MTG2: variants seen among roughly 807,000 people sequenced by gnomAD.
MTG2 encodes the protein mitochondrial ribosome associated GTPase 2, also known as mitochondrial ribosome-associated GTPase 2.
Under a neutral mutation model 28.6 loss-of-function variants are expected in MTG2, and 23 were observed. That is an observed-to-expected ratio of 0.80 (90% CI 0.58 to 1.14). The LOEUF (loss-of-function observed/expected upper bound fraction) is 1.14, where lower values mean the gene tolerates loss of function less well. Among genes scored for constraint, MTG2 ranks in the 50% most tolerant of loss-of-function variants. The probability of loss-of-function intolerance (pLI) is 0.00; values close to 1 mark genes in which losing one functional copy is unlikely to be tolerated. For missense variants in MTG2, 539 were observed against 552.0 expected (o/e 0.98, Z 0.24); for synonymous variants, 260 against 251.8 (o/e 1.03, Z -0.31).
At position 62,201,584 on chromosome 20, in the gene MTG2, G is replaced by C. The variant is rs2058172363; in HGVS notation, c.*507G>C. On this transcript the variant is annotated 3_prime_UTR_variant, in exon 7 of 7. Coordinates refer to ENST00000370823, the MANE Select transcript of MTG2 (RefSeq NM_015666.4). ...GTCCAGCAGCCCTGCGGTACCGCAAGCCCAGGCACCAGTGTCTCGGGGGGC... is the reference window on the plus strand; with the variant it reads ...GTCCAGCAGCCCTGCGGTACCGCAACCCCAGGCACCAGTGTCTCGGGGGGC... 1 of 153,240 alleles carries C rather than the reference G, an allele frequency of 6.5e-6. No individual in the cohort carries two copies. The allele number at this position is 153,240 out of a possible 1,614,324, so 9.5% of individuals were successfully genotyped here.
chr20:62,200,858 C>T lies in MTG2; in HGVS notation c.1002C>T (p.Gly334=), dbSNP rs1035597608. 3.1e-6 allele frequency: 5 copies of T among 1,613,992 alleles called. No individual in the cohort carries two copies. Among genetic ancestry groups the T allele is most frequent in the African/African-American group, 1.3e-5 (1 of 75,062 alleles). The change falls in exon 7 of 7, where the codon GGC becomes GGT. Residue 334 remains glycine, a synonymous_variant. Transcript: ENST00000370823. Reference sequence around the variant, plus strand: ...ATGAACTGGAGATGTATGAAAAGGGCCTGTCTGCGAGGCCCCACGCAATCG... The same window carrying T: ...ATGAACTGGAGATGTATGAAAAGGGTCTGTCTGCGAGGCCCCACGCAATCG... The part of the protein sequence containing the change: ...LKYELEMYEK[G]LSARPHAIVA...
At chr20:62,189,730 A>G (rs1273298907) in intron 1 of MTG2, among the ~76,000 whole-genome samples, 2 of 147,928 alleles carry the variant, frequency 1.4e-5, no homozygotes, top group African/African-American at 5.0e-5. Flanking sequence ...CAATGATGCA[A>G]TCTCGGCTCA....
In MTG2 at chr20:62,198,802, C is replaced by T; in HGVS notation, c.637C>T (p.Gln213Ter). The T allele has an allele frequency of 6.2e-7, 1 of 1,614,152 alleles. No homozygotes were observed. The highest frequency in any genetic ancestry group is 8.5e-7 in the Non-Finnish European group (1 of 1,180,040). The change falls in exon 5 of 7, where the codon CAG (glutamine) becomes TAG (stop). Residue 213 changes from glutamine (Q) to a stop codon, truncating the protein, a stop_gained. Transcript: ENST00000370823. LOFTEE classifies it high-confidence loss of function. ...GACCTGTACCCCTGGACAGCCAGGA[C>T]AGCAGCGAGTTCTCCACCTGGAGCT... Reference protein sequence around the residue: ...PVTCTPGQPGQQRVLHLELKT... With the variant: ...PVTCTPGQPG
rs2058107677 is a variant in MTG2, at chr20:62,198,816, C to T, written c.651C>T (p.Leu217=). The change falls in exon 5 of 7, where the codon CTC becomes CTT. Residue 217 remains leucine (L), a synonymous_variant. Transcript: ENST00000370823. ...GACAGCCAGGACAGCAGCGAGTTCT[C>T]CACCTGGAGCTCAAGACGGTGGCCC... ...TPGQPGQQRV[L]HLELKTVAHA... 7 of 1,614,116 alleles carry T rather than the reference C, an allele frequency of 4.3e-6. No individual in the cohort carries two copies. The highest frequency in any genetic ancestry group is 5.1e-6 in the Non-Finnish European group (6 of 1,180,036).
At chr20:62,195,077 TC>T (rs1342599621) in intron 2 of MTG2, among the ~76,000 whole-genome samples, 2 of 151,970 alleles carry the variant, frequency 1.3e-5, no homozygotes, top group Non-Finnish European at 2.9e-5. Context: ...GTGCCTGTAG[TC>T]CCAGCTACTT....
intron 2 of MTG2, 34 bp downstream of exon 2, chr20:62,193,658 C>T: frequency 6.4e-7 from 1 of 1,568,626 alleles, no homozygotes; most frequent in Non-Finnish European, 8.7e-7. Context: ...GCTTGCCTGT[C>T]TCCTCCTCAG....
In MTG2 at chr20:62,196,858, G is replaced by A. The variant is rs571208818; in HGVS notation, c.352+909G>A. On this transcript the variant is annotated intron_variant, in intron 3 of 6. Coordinates refer to ENST00000370823, the MANE Select transcript of MTG2 (RefSeq NM_015666.4). Reference sequence around the variant, plus strand: ...AGCCTGGCCAACATGGTGAAACCCCGTCTCTACAAAAAATACAAAAAAAAT... The same window carrying A: ...AGCCTGGCCAACATGGTGAAACCCCATCTCTACAAAAAATACAAAAAAAAT... Among the ~76,000 whole-genome samples the A allele has an allele frequency of 5.8e-3, 859 of 147,542 alleles. 5 individuals carry two copies. The highest frequency in any genetic ancestry group is 8.3e-3 in the Non-Finnish European group (554 of 66,768).
intron 1 of MTG2, among the ~76,000 whole-genome samples, chr20:62,184,176 G>C (rs914341524): frequency 3.9e-5 from 6 of 152,228 alleles, no homozygotes; most frequent in Admixed American, 1.3e-4. Context: ...GGCCAACATG[G>C]TGAAACCCCA....
chr20:62,193,480 T>C lies in MTG2; in HGVS notation c.60T>C (p.His20=), dbSNP rs1456344275. The C allele has an allele frequency of 7.4e-6, 12 of 1,614,082 alleles. No individual in the cohort carries two copies. Among genetic ancestry groups the C allele is most frequent in the Admixed American group, 6.7e-5 (4 of 59,998 alleles). The change falls in exon 2 of 7, where the codon CAT becomes CAC. Residue 20 remains histidine, a synonymous_variant. Coordinates refer to ENST00000370823, the MANE Select transcript of MTG2 (RefSeq NM_015666.4). ...GGACCGTGTTTCAGGGCGTGGGGCA[T>C]TGGGCTTTGTCCACATGGGCTGGCC... ...RLRTVFQGVG[H]WALSTWAGLK... is the part of the protein sequence containing the mutation.
chr20:62,186,540 T>TTTTTTTTTTTG (rs2057851937), intron 1 of MTG2, among the ~76,000 whole-genome samples: 1 of 147,728 alleles, frequency 6.8e-6, no homozygotes, highest in Non-Finnish European at 1.5e-5. Flanking sequence ...TTTTTTTTTT[T>TTTTTTTTTTTG]TTTTTTGAGA....
In MTG2 at chr20:62,200,487, T is replaced by C. The variant is rs187734175; in HGVS notation, c.827-196T>C. Among the ~76,000 whole-genome samples, 10 of 152,244 alleles carry C rather than the reference T, an allele frequency of 6.6e-5. No individual in the cohort carries two copies. The East Asian group carries it at 1.5e-3, about 24-fold the overall frequency. On this transcript the variant is annotated intron_variant, in intron 6 of 6. Transcript: ENST00000370823. Reference sequence around the variant, plus strand: ...AAGCATTGAATTCCTCAGGTGTCAGTTGGCCCAGTGAATCACCCAGGTGCT... The same window carrying C: ...AAGCATTGAATTCCTCAGGTGTCAGCTGGCCCAGTGAATCACCCAGGTGCT...
chr20:62,192,341 ACAGG>A (rs1468286541), intron 1 of MTG2, among the ~76,000 whole-genome samples: 2 of 152,334 alleles, frequency 1.3e-5, no homozygotes, highest in Admixed American at 1.3e-4. Context: ...CACAGCGGGC[ACAGG>A]CAGGCAGCTG....
intron 1 of MTG2, among the ~76,000 whole-genome samples, 179 bp downstream of exon 1, chr20:62,183,236 G>A (rs1160624990): frequency 6.6e-6 from 1 of 152,132 alleles, no homozygotes; most frequent in Non-Finnish European, 1.5e-5. Flanking sequence ...GGGACCGAGC[G>A]CTGCGGCCCT....
chr20:62,202,343 G>T lies in MTG2; in HGVS notation c.*1266G>T, dbSNP rs2058186306. 6.5e-6 allele frequency: 1 copy of T among 153,474 alleles called. No homozygotes were observed. Among genetic ancestry groups the T allele is most frequent in the Admixed American group, 6.5e-5 (1 of 15,312 alleles). 9.5% of individuals were successfully genotyped at this position (153,474 alleles called of 1,614,324 possible). On this transcript the variant is annotated 3_prime_UTR_variant, in exon 7 of 7. Coordinates refer to ENST00000370823, the MANE Select transcript of MTG2 (RefSeq NM_015666.4). Reference sequence around the variant, plus strand: ...AGGGGACACTCCAGAGGCTGTCGTGGGAGGATCATGTGAGCCTGGGAGGTC... The same window carrying T: ...AGGGGACACTCCAGAGGCTGTCGTGTGAGGATCATGTGAGCCTGGGAGGTC...
Position 62,202,809 on chromosome 20 carries a change from A to G in MTG2, c.*1732A>G. 6.6e-6 allele frequency: 1 copy of G among 150,380 alleles called. No homozygotes were observed. Among genetic ancestry groups the G allele is most frequent in the Non-Finnish European group, 1.5e-5 (1 of 67,870 alleles). 9.3% of individuals were successfully genotyped at this position (150,380 alleles called of 1,614,324 possible). ...AGCAGAGAAGGATGATCAGAAGGGGACCCCCAGCCCTTGGAGGAGAGACGG... is the reference window on the plus strand; with the variant it reads ...AGCAGAGAAGGATGATCAGAAGGGGGCCCCCAGCCCTTGGAGGAGAGACGG... On this transcript the variant is annotated 3_prime_UTR_variant, in exon 7 of 7. Transcript: ENST00000370823.
At position 62,198,685 on chromosome 20, in the gene MTG2, TC is replaced by T; in HGVS notation, c.521del (p.Ser174PhefsTer31). ...GGGAGGCAGAGTTGTGGCCGACCTGTCTTGCGTGGGAGATGAGTACATTGCC... is the reference window on the plus strand; with the variant it reads ...GGGAGGCAGAGTTGTGGCCGACCTGTTTGCGTGGGAGATGAGTACATTGCC... Reference protein sequence around the residue: ...KEGGRVVADLSCVGDEYIAAL... With the variant: ...KEGGRVVADLXCVGDEYIAAL... On this transcript the variant is annotated frameshift_variant, in exon 5 of 7. Transcript: ENST00000370823. LOFTEE classifies it high-confidence loss of function. 6.2e-7 allele frequency: 1 copy of T among 1,614,106 alleles called. No homozygotes were observed. Among genetic ancestry groups the T allele is most frequent in the Non-Finnish European group, 8.5e-7 (1 of 1,180,018 alleles).
At chr20:62,186,630 G>A (rs1290632811) in intron 1 of MTG2, among the ~76,000 whole-genome samples, 3 of 149,264 alleles carry the variant, frequency 2.0e-5, no homozygotes, top group Non-Finnish European at 3.0e-5. Context: ...CCAGGTTCAA[G>A]CGATTCTCCT....
intron 1 of MTG2, among the ~76,000 whole-genome samples, chr20:62,189,174 A>T (rs2057905910): frequency 6.6e-6 from 1 of 152,008 alleles, no homozygotes; most frequent in Non-Finnish European, 1.5e-5. Flanking sequence ...GCACAGTGGC[A>T]CTTACCTGTA....
rs1270536208 is a variant in MTG2 at position 62,198,639 on chromosome 20, C to T, written c.474C>T (p.Pro158=). ...GAGTGCCTGCTGTTCCCCAGGTCCC[C>T]GTGGGCACGCTGGTGAAGGAGGGAG... The part of the protein sequence containing the change: ...RSGAVLYIRV[P]VGTLVKEGGR... Residue 158 remains proline (P), a synonymous_variant, in exon 5 of 7, where the codon CCC becomes CCT. Transcript: ENST00000370823. 6.8e-6 allele frequency: 11 copies of T among 1,613,520 alleles called. No individual in the cohort carries two copies. The highest frequency in any genetic ancestry group is 1.1e-5 in the South Asian group (1 of 91,000).
Sources: allele counts gnomAD v4.1 joint callset (sites outside exome capture counted in the v4.1 genomes callset), GRCh38; gene constraint gnomAD v4.1.1; transcripts MANE v1.5; gene names NCBI Gene and HGNC (gene_info 2026-07-23, HGNC 2026-07-21).